The following PRSS23 variants were observed in gnomAD, a reference collection of about 807,000 sequenced individuals.
PRSS23 encodes serine protease 23.
PRSS23 carries 25 observed loss-of-function variants against 34.7 expected under a neutral mutation model. That is an observed-to-expected ratio of 0.72 (90% confidence interval 0.53 to 1.01). The LOEUF is 1.01. PRSS23 is among the 50% of genes least tolerant of loss of function. PRSS23 has a pLI of 0.00. For synonymous variants in PRSS23, 176 were observed against 186.6 expected (o/e 0.94, Z 0.46); for missense variants, 445 against 475.6 (o/e 0.94, Z 0.60).
intron 2 of PRSS23, among the ~76,000 whole-genome samples, chr11:86,877,450 CAG>C (rs1347617527): frequency 2.0e-5 from 3 of 152,160 alleles, no homozygotes; most frequent in Non-Finnish European, 2.9e-5. Context: ...TCATTTTAAA[CAG>C]AATTTTTATT....
intron 2 of PRSS23, among the ~76,000 whole-genome samples, chr11:86,917,967 A>G (rs1194648281): frequency 3.3e-5 from 5 of 152,236 alleles, no homozygotes; most frequent in Admixed American, 3.3e-4. Flanking sequence ...AATTATTTCA[A>G]TAGAATTCAG....
intron 2 of PRSS23, among the ~76,000 whole-genome samples, chr11:86,924,281 CT>C (rs1949066010): frequency 6.6e-6 from 1 of 152,104 alleles, no homozygotes; most frequent in Admixed American, 6.5e-5. Context: ...CTCCCAGAGA[CT>C]GGGAAAGGAA....
chr11:86,898,562 T>A (rs1206532029), intron 2 of PRSS23, among the ~76,000 whole-genome samples: 1 of 152,206 alleles, frequency 6.6e-6, no homozygotes, highest in Non-Finnish European at 1.5e-5. Context: ...AAAGGACAAA[T>A]GAAGCGGAGC....
downstream of PRSS23, among the ~76,000 whole-genome samples, chr11:86,815,825 A>G (rs1286651074): frequency 6.6e-6 from 1 of 152,124 alleles, no homozygotes; most frequent in African/African-American, 2.4e-5. Flanking sequence ...TGTGCTATCC[A>G]TCACCTCCTC....
rs764233584 is a variant in PRSS23, at chr11:86,808,709, A to G, written c.1066A>G (p.Asn356Asp). The G allele has an allele frequency of 5.0e-6, 8 of 1,614,034 alleles. 1 individual carries two copies. The highest frequency in any genetic ancestry group is 2.7e-5 in the African/African-American group (2 of 74,936). The part of the protein sequence containing the change: ...VDMNGSPQDF[N>D]VAVRITPLKY... ...CATGAATGGTTCCCCACAGGATTTC[A>G]ACGTGGCTGTCAGAATCACTCCTCT... The change falls in exon 2 of 2, where the codon AAC becomes GAC. Residue 356 changes from asparagine (N) to aspartate (D), a missense_variant. By Grantham distance (23) the Asn-to-Asp change is conservative. Transcript: ENST00000280258.
chr11:86,833,939 C>G (rs370336832), intron 2 of PRSS23, among the ~76,000 whole-genome samples: 1 of 152,212 alleles, frequency 6.6e-6, no homozygotes, highest in African/African-American at 2.4e-5. Flanking sequence ...GGGGTGCCTT[C>G]GATGTCATTA....
rs1243260367 is a variant in PRSS23 at position 86,847,009 on chromosome 11, C to T, written c.206+23416C>T. On this transcript the variant is annotated intron_variant, in intron 2 of 2. Coordinates refer to the PRSS23 transcript ENST00000533902. ...AAGTACAATCTATGGTGCATGGGTA[C>T]AGCTCTTAGAGCCATTGAATTGTTG... 2.0e-5 allele frequency among the ~76,000 whole-genome samples: 3 copies of T among 152,192 alleles called. No individual in the cohort carries two copies. In the East Asian group the frequency reaches 5.8e-4, roughly 29 times the overall value.
chr11:86,864,713 G>A (rs778813060), intron 2 of PRSS23, among the ~76,000 whole-genome samples: 48 of 152,224 alleles, frequency 3.2e-4, no homozygotes, highest in Non-Finnish European at 2.8e-4. Context: ...TCCCAAAATG[G>A]TTCTTATGAA....
chr11:86,827,083 T>C (rs1345082008), intron 2 of PRSS23, among the ~76,000 whole-genome samples: 2 of 152,180 alleles, frequency 1.3e-5, no homozygotes. Flanking sequence ...AGTTCCTCCT[T>C]GTACCTCTGG....
chr11:86,888,124 AAAC>A (rs773354313), intron 2 of PRSS23, among the ~76,000 whole-genome samples: 110 of 67,382 alleles, frequency 1.6e-3, no homozygotes, highest in South Asian at 5.2e-3. Context: ...TTTTAAAAAA[AAAC>A]AAAACAAAAC....
In PRSS23 at chr11:86,939,426, A is replaced by ATATATATATATTTTT; in HGVS notation, c.207-11789_207-11788insATATATATATTTTTT. Among the ~76,000 whole-genome samples, 123 of 94,032 alleles carry ATATATATATATTTTT rather than the reference A, an allele frequency of 1.3e-3. 3 individuals are homozygous for ATATATATATATTTTT. Among genetic ancestry groups the ATATATATATATTTTT allele is most frequent in the Admixed American group, 3.7e-3 (28 of 7,574 alleles). 61.7% of individuals were successfully genotyped at this position (94,032 alleles called of 152,430 possible). A position where few individuals can be genotyped will look rare whatever the true frequency, so the allele number is the denominator to read the frequency against. On this transcript the variant is annotated intron_variant, in intron 2 of 2. Transcript: ENST00000533902. ...AAAATATATATATATATATATATATATTTTTTAACATGAGTAAAAATTGCA... is the reference window on the plus strand; with the variant it reads ...AAAATATATATATATATATATATATATATATATATATTTTTTTTTTTAACATGAGTAAAAATTGCA...
At chr11:86,872,241 T>A (rs1436228623) in intron 2 of PRSS23, among the ~76,000 whole-genome samples, 1 of 152,192 alleles carries the variant, frequency 6.6e-6, no homozygotes, top group Non-Finnish European at 1.5e-5. Context: ...CTTCTGTAAG[T>A]TTTTAAATAA....
At chr11:86,876,168 G>A (rs1306902860) in intron 2 of PRSS23, among the ~76,000 whole-genome samples, 2 of 149,520 alleles carry the variant, frequency 1.3e-5, no homozygotes, top group Non-Finnish European at 2.9e-5. Flanking sequence ...CCAGAAGATT[G>A]CATAGTGGCG....
intron 2 of PRSS23, among the ~76,000 whole-genome samples, chr11:86,928,226 G>A (rs1465904673): frequency 2.9e-5 from 2 of 68,454 alleles, no homozygotes; most frequent in Non-Finnish European, 6.0e-5. Context: ...AAATATATAT[G>A]TATTATATAT....
At chr11:86,831,271 G>A (rs533224187) in intron 2 of PRSS23, among the ~76,000 whole-genome samples, 3 of 151,068 alleles carry the variant, frequency 2.0e-5, no homozygotes, top group East Asian at 2.0e-4. Context: ...TGTATTATTC[G>A]TAATATCCTA....
chr11:86,852,131 C>A (rs545297065), intron 2 of PRSS23, among the ~76,000 whole-genome samples: 1 of 152,172 alleles, frequency 6.6e-6, no homozygotes, highest in African/African-American at 2.4e-5. Flanking sequence ...GCCATGACCA[C>A]GGAGAACAGG....
chr11:86,818,651 A>T (rs1159551196), intron 1 of PRSS23, among the ~76,000 whole-genome samples: 2 of 152,156 alleles, frequency 1.3e-5, no homozygotes, highest in Non-Finnish European at 2.9e-5. Flanking sequence ...ACTTTTGCTC[A>T]TTCTTGGATT....
chr11:86,876,217 A>G (rs1338622279), intron 2 of PRSS23, among the ~76,000 whole-genome samples: 1 of 152,124 alleles, frequency 6.6e-6, no homozygotes, highest in Non-Finnish European at 1.5e-5. Flanking sequence ...AAACATCACC[A>G]GATGCTTGCC....
At chr11:86,831,427 G>A (rs1463577880) in intron 2 of PRSS23, among the ~76,000 whole-genome samples, 1 of 151,800 alleles carries the variant, frequency 6.6e-6, no homozygotes, top group Non-Finnish European at 1.5e-5. Context: ...TACTCCTAAT[G>A]TCATAGCAGG....
Sources: allele counts gnomAD v4.1 joint callset (sites outside exome capture counted in the v4.1 genomes callset), GRCh38; gene constraint gnomAD v4.1.1; transcripts MANE v1.5; gene names NCBI Gene and HGNC (gene_info 2026-07-23, HGNC 2026-07-21).